Variants in CACNA2D3 observed in about 807,000 individuals in gnomAD.
CACNA2D3 encodes calcium voltage-gated channel auxiliary subunit alpha2delta 3.
In CACNA2D3, 60 loss-of-function variants were observed where a neutral mutation model predicts 160.6. The observed-to-expected ratio is 0.37, with a 90% CI of 0.30 to 0.46. CACNA2D3 has a LOEUF of 0.46. CACNA2D3 is among the 20% of genes least tolerant of loss of function. CACNA2D3 has a pLI of 1.00. For missense variants in CACNA2D3, 1,205 were observed against 1,365.0 expected (o/e 0.88, Z 1.85); for synonymous variants, 558 against 492.9 (o/e 1.13, Z -1.75).
chr3:54,878,402 G>C (rs2106835853), intron 18 of CACNA2D3, among the ~76,000 whole-genome samples: 1 of 152,136 alleles, frequency 6.6e-6, no homozygotes, highest in Non-Finnish European at 1.5e-5. Context: ...GGGTGGGGGA[G>C]GAGAGCCAGG....
chr3:54,971,649 A>G (rs1293725885), intron 29 of CACNA2D3, among the ~76,000 whole-genome samples: 1 of 152,220 alleles, frequency 6.6e-6, no homozygotes, highest in African/African-American at 2.4e-5. Context: ...CAGAACCCAC[A>G]CTGCCTCAGT....
chr3:54,794,145 T>C (rs540336127), intron 13 of CACNA2D3, among the ~76,000 whole-genome samples: 1 of 152,278 alleles, frequency 6.6e-6, no homozygotes, highest in South Asian at 2.1e-4. Flanking sequence ...CTATATATTA[T>C]GTTTTTATTC....
In CACNA2D3 at chr3:54,987,683, A is replaced by C. The variant is rs772976076; in HGVS notation, c.2620A>C (p.Thr874Pro). 4 of 1,601,394 alleles carry C rather than the reference A, an allele frequency of 2.5e-6. No homozygotes were observed. Among genetic ancestry groups the C allele is most frequent in the Non-Finnish European group, 3.4e-6 (4 of 1,174,858 alleles). ...TCCTCATATGTCTTCTTCCCCATAG[A>C]CTGGAGACTTTTTTGGTGAGATCGA... Reference protein sequence around the residue: ...FILVSEDYTQTGDFFGEIEGA... With the variant: ...FILVSEDYTQPGDFFGEIEGA... The change falls in exon 31 of 38, where the codon ACT becomes CCT. Residue 874 changes from threonine (T) to proline (P), a missense_variant and splice_region_variant. Physicochemically the swap from Thr to Pro is conservative, Grantham distance 38. This residue lies in a region of CACNA2D3 where 911 missense variants were observed against 1,002.2 expected (regional missense o/e 0.91). Coordinates refer to ENST00000474759, the MANE Select transcript of CACNA2D3 (RefSeq NM_018398.3).
chr3:54,143,397 C>CT (rs1699971267), intron 2 of CACNA2D3, among the ~76,000 whole-genome samples: 1 of 152,178 alleles, frequency 6.6e-6, no homozygotes, highest in South Asian at 2.1e-4. Flanking sequence ...AAAACATTGC[C>CT]TGTTCACTAT....
At chr3:54,503,743 T>C (rs1701327511) in intron 5 of CACNA2D3, 89 bp downstream of exon 5, 2 of 1,211,920 alleles carry the variant, frequency 1.7e-6, no homozygotes, top group Non-Finnish European at 2.3e-6. Flanking sequence ...ATAGTTTTGG[T>C]TTGTTTCATT....
chr3:54,650,199 G>C (rs1047948921), intron 11 of CACNA2D3, among the ~76,000 whole-genome samples: 2 of 40,510 alleles, frequency 4.9e-5, no homozygotes, highest in East Asian at 8.3e-4. Flanking sequence ...TTTGTTTTTT[G>C]TTTTTGTTTG....
chr3:54,305,388 A>G (rs6445644), intron 2 of CACNA2D3, among the ~76,000 whole-genome samples: 36,437 of 152,202 alleles, frequency 0.24, 4,568 homozygotes, highest in South Asian at 0.34. Context: ...TCCTCAGTCC[A>G]TTTGAGAAAT....
intron 9 of CACNA2D3, among the ~76,000 whole-genome samples, chr3:54,607,996 A>G (rs1242094056): frequency 2.8e-5 from 3 of 106,768 alleles, no homozygotes; most frequent in African/African-American, 4.4e-5. Flanking sequence ...GTTTCCAGGG[A>G]CTAGGAGTGG....
At position 54,506,170 on chromosome 3, in the gene CACNA2D3, CT is replaced by C. The variant is rs373033658; in HGVS notation, c.544+2526del. The stretch of plus-strand genomic sequence containing the variant: ...CTAATTCAAAACAGCCCCTAACAGC[CT>C]TTTTTTTTTGTTTTCCTTTTCAAGC... On this transcript the variant is annotated intron_variant, in intron 5 of 37. Coordinates refer to ENST00000474759, the MANE Select transcript of CACNA2D3 (RefSeq NM_018398.3). Among the ~76,000 whole-genome samples, 880 of 149,668 alleles carry C rather than the reference CT, an allele frequency of 5.9e-3. 5 individuals are homozygous for C. Among genetic ancestry groups the C allele is most frequent in the African/African-American group, 0.02 (834 of 40,860 alleles).
At chr3:55,021,647 GTA>G (rs55811346) in intron 35 of CACNA2D3, among the ~76,000 whole-genome samples, 42,099 of 140,684 alleles carry the variant, frequency 0.3, 6,579 homozygotes, top group Admixed American at 0.35. Flanking sequence ...ATATATATGT[GTA>G]TATATATATG....
intron 18 of CACNA2D3, among the ~76,000 whole-genome samples, chr3:54,877,835 G>A (rs564255882): frequency 5.9e-4 from 90 of 152,088 alleles, no homozygotes; most frequent in Non-Finnish European, 1.1e-3. Flanking sequence ...CTTTAGGCAG[G>A]CACCAGAAAG....
chr3:54,886,152 A>T (rs1296516771), intron 23 of CACNA2D3, among the ~76,000 whole-genome samples: 5 of 152,184 alleles, frequency 3.3e-5, no homozygotes. Flanking sequence ...GCAGGAACAG[A>T]CCCTATACTC....
chr3:54,897,325 CAGG>C (rs1469573123), intron 26 of CACNA2D3, among the ~76,000 whole-genome samples: 3 of 152,152 alleles, frequency 2.0e-5, no homozygotes, highest in Admixed American at 1.3e-4. Context: ...GCTCTCTTGA[CAGG>C]AGCCTGCAGT....
chr3:54,990,136 C>T (rs549238971), intron 31 of CACNA2D3, among the ~76,000 whole-genome samples: 59 of 152,286 alleles, frequency 3.9e-4, no homozygotes, highest in African/African-American at 1.4e-3. Flanking sequence ...AGGTGAAACT[C>T]GAGATCAGTT....
At chr3:54,264,289 C>T (rs773174136) in intron 2 of CACNA2D3, among the ~76,000 whole-genome samples, 3 of 152,118 alleles carry the variant, frequency 2.0e-5, no homozygotes, top group African/African-American at 7.2e-5. Flanking sequence ...TGTTGAAAAA[C>T]GAAGTCATGG....
At chr3:54,948,739 A>T (rs1425672852) in intron 27 of CACNA2D3, among the ~76,000 whole-genome samples, 1 of 152,196 alleles carries the variant, frequency 6.6e-6, no homozygotes, top group Non-Finnish European at 1.5e-5. Flanking sequence ...GACTGTCTGC[A>T]TGGAGGTGCT....
intron 11 of CACNA2D3, among the ~76,000 whole-genome samples, chr3:54,684,568 C>T (rs774823559): frequency 3.7e-4 from 57 of 152,170 alleles, no homozygotes; most frequent in Non-Finnish European, 5.7e-4. Context: ...CTAACATTTG[C>T]TTATTGATTA....
intron 2 of CACNA2D3, among the ~76,000 whole-genome samples, chr3:54,155,327 T>G (rs1700227211): frequency 6.6e-6 from 1 of 152,176 alleles, no homozygotes; most frequent in African/African-American, 2.4e-5. Context: ...GAATCTCCAC[T>G]CAAGGCTGCA....
intron 2 of CACNA2D3, among the ~76,000 whole-genome samples, chr3:54,284,809 G>A (rs62253199): frequency 0.095 from 14,395 of 152,202 alleles, 890 homozygotes; most frequent in East Asian, 0.21. Context: ...TCTAAAATAA[G>A]GGATTGGCTA....
Sources: gnomAD v4.1 joint callset for allele counts (sites outside exome capture counted in the v4.1 genomes callset) on GRCh38, gnomAD v4.1.1 for gene constraint, gnomAD v4.1.1 regional missense constraint, MANE v1.5 for transcripts, NCBI Gene and HGNC (gene_info 2026-07-23, HGNC 2026-07-21) for gene names.